SPMIP2: variants seen among roughly 807,000 people sequenced by gnomAD.
The protein encoded by SPMIP2 is sperm microtubule inner protein 2.
chr4:159,062,968 C>T, the SPMIP2 span, among the ~76,000 whole-genome samples: 14 of 151,318 alleles, frequency 9.3e-5, no homozygotes, highest in African/African-American at 3.4e-4. Context: ...GCCGGGATTA[C>T]AGGCATGAGC....
chr4:159,001,773 T>A, the SPMIP2 span, among the ~76,000 whole-genome samples: 1 of 152,226 alleles, frequency 6.6e-6, no homozygotes, highest in Admixed American at 6.5e-5. Flanking sequence ...TGATTCAATG[T>A]CTTTGCTATT....
At chr4:159,037,993 C>T in the SPMIP2 span, among the ~76,000 whole-genome samples, 2 of 152,080 alleles carry the variant, frequency 1.3e-5, no homozygotes, top group African/African-American at 2.4e-5. Context: ...CTCTCTCTCT[C>T]TCTCTCTCAA....
At chr4:158,987,636 G>A in the SPMIP2 span, among the ~76,000 whole-genome samples, 4 of 152,090 alleles carry the variant, frequency 2.6e-5, no homozygotes, top group Non-Finnish European at 4.4e-5. Flanking sequence ...TTGTGGGGTA[G>A]GGGGAGTGGG....
the SPMIP2 span, among the ~76,000 whole-genome samples, chr4:159,073,430 A>G: frequency 3.9e-5 from 6 of 152,200 alleles, no homozygotes; most frequent in Non-Finnish European, 7.3e-5. Flanking sequence ...CTGGGATTAC[A>G]GGTGTGAGCC....
the SPMIP2 span, among the ~76,000 whole-genome samples, chr4:158,927,768 A>T: frequency 6.6e-6 from 1 of 152,188 alleles, no homozygotes; most frequent in Non-Finnish European, 1.5e-5. Context: ...TCCCGGTTAG[A>T]CTGGGCTTGG....
At chr4:159,009,459 A>G in the SPMIP2 span, among the ~76,000 whole-genome samples, 1 of 152,220 alleles carries the variant, frequency 6.6e-6, no homozygotes, top group African/African-American at 2.4e-5. Flanking sequence ...AGAAGTGCCA[A>G]GTAACTTCTA....
At chr4:159,000,642 C>A in the SPMIP2 span, among the ~76,000 whole-genome samples, 1 of 151,790 alleles carries the variant, frequency 6.6e-6, no homozygotes, top group Non-Finnish European at 1.5e-5. Flanking sequence ...TACAGGCACA[C>A]GCCACCACGC....
chr4:159,069,469 C>T, the SPMIP2 span, among the ~76,000 whole-genome samples: 61 of 151,132 alleles, frequency 4.0e-4, no homozygotes, highest in Admixed American at 3.6e-3. Context: ...GGCCTCACTC[C>T]GACACCCAGG....
At chr4:158,916,036 C>T in the SPMIP2 span, among the ~76,000 whole-genome samples, 6 of 152,342 alleles carry the variant, frequency 3.9e-5, no homozygotes, top group East Asian at 9.6e-4. Flanking sequence ...GCAAGAGCCC[C>T]TTGGGGACTG....
At chr4:158,938,125 A>G in the SPMIP2 span, among the ~76,000 whole-genome samples, 1 of 152,268 alleles carries the variant, frequency 6.6e-6, no homozygotes, top group Non-Finnish European at 1.5e-5. Flanking sequence ...CCACATTAGT[A>G]TGATACCCAT....
chr4:159,064,647 A>G, the SPMIP2 span, among the ~76,000 whole-genome samples: 28,810 of 152,166 alleles, frequency 0.19, 2,748 homozygotes, highest in Admixed American at 0.25. Flanking sequence ...TTCCTCTCCC[A>G]AATTCTATTT....
the SPMIP2 span, among the ~76,000 whole-genome samples, chr4:159,036,945 T>C: frequency 2.6e-5 from 4 of 152,168 alleles, no homozygotes; most frequent in African/African-American, 4.8e-5. Flanking sequence ...ACTACCATTT[T>C]CCAAGGCGCC....
the SPMIP2 span, among the ~76,000 whole-genome samples, chr4:158,961,824 GATTT>G: frequency 6.6e-6 from 1 of 151,874 alleles, no homozygotes; most frequent in Non-Finnish European, 1.5e-5. Context: ...AATGCATCAT[GATTT>G]ATTTGGACAT....
the SPMIP2 span, among the ~76,000 whole-genome samples, chr4:158,914,903 C>T: frequency 1.3e-5 from 2 of 152,126 alleles, no homozygotes; most frequent in African/African-American, 2.4e-5. Flanking sequence ...TCACAGGGGT[C>T]GCCATTCTCT....
At chr4:158,916,639 G>GTATT in the SPMIP2 span, among the ~76,000 whole-genome samples, 1 of 151,810 alleles carries the variant, frequency 6.6e-6, no homozygotes, top group Non-Finnish European at 1.5e-5. Flanking sequence ...ATGTATGTAT[G>GTATT]TATGTATGTA....
chr4:158,928,894 C>G, the SPMIP2 span, among the ~76,000 whole-genome samples: 2 of 152,042 alleles, frequency 1.3e-5, no homozygotes, highest in Non-Finnish European at 2.9e-5. Flanking sequence ...AGCTTCACTC[C>G]TGAGCCAGCG....
At chr4:158,936,733 C>G in the SPMIP2 span, among the ~76,000 whole-genome samples, 1 of 152,172 alleles carries the variant, frequency 6.6e-6, no homozygotes, top group African/African-American at 2.4e-5. Flanking sequence ...GTAGTCCACA[C>G]CTACAGAATC....
the SPMIP2 span, among the ~76,000 whole-genome samples, chr4:159,023,785 G>T: frequency 6.6e-6 from 1 of 152,132 alleles, no homozygotes; most frequent in Non-Finnish European, 1.5e-5. Context: ...AATAAACTTA[G>T]AAGCTGCTGT....
the SPMIP2 span, among the ~76,000 whole-genome samples, chr4:158,970,296 A>G: frequency 6.6e-6 from 1 of 152,116 alleles, no homozygotes; most frequent in African/African-American, 2.4e-5. Flanking sequence ...ATCCCAGCAC[A>G]TTGGGAGGCC....
Sources: gnomAD v4.1 joint callset for allele counts (sites outside exome capture counted in the v4.1 genomes callset) on GRCh38, gnomAD v4.1.1 for gene constraint, MANE v1.5 for transcripts, NCBI Gene and HGNC (gene_info 2026-07-23, HGNC 2026-07-21) for gene names.